The following CFHR2 variants were observed in gnomAD, a reference collection of about 807,000 sequenced individuals.
The protein encoded by CFHR2 is complement factor H related 2.
A neutral mutation model predicts 21.7 loss-of-function variants in CFHR2; 22 were observed. That is an observed-to-expected ratio of 1.01 (90% confidence interval 0.72 to 1.45). The LOEUF is 1.45. Among genes scored for constraint, CFHR2 ranks in the 40% most tolerant of loss-of-function variants. CFHR2 has a pLI of 0.00. For missense variants in CFHR2, 294 were observed against 293.3 expected (o/e 1.00, Z -0.02); for synonymous variants, 98 against 97.4 (o/e 1.01, Z -0.04).
rs535753658 is a variant in CFHR2 at position 196,959,463 on chromosome 1, A to G, written c.*383A>G. On this transcript the variant is annotated 3_prime_UTR_variant, in exon 5 of 5. Transcript: ENST00000367415. ...AGCATTAAATATTCTCCTTCCAGCT[A>G]TTTGGTACTTCATAGTATATTACTG... 4.6e-5 allele frequency among the ~76,000 whole-genome samples: 7 copies of G among 152,064 alleles called. No homozygotes were observed. In the East Asian group the frequency reaches 1.2e-3, roughly 25 times the overall value.
intron 3 of CFHR2, among the ~76,000 whole-genome samples, chr1:196,954,936 A>T (rs540333706): frequency 6.6e-6 from 1 of 152,306 alleles, no homozygotes; most frequent in East Asian, 1.9e-4. Context: ...AGCCTCAAAG[A>T]TCTCTGACAT....
chr1:196,954,482 C>T (rs918954997), intron 3 of CFHR2, among the ~76,000 whole-genome samples: 1 of 152,182 alleles, frequency 6.6e-6, no homozygotes, highest in African/African-American at 2.4e-5. Flanking sequence ...GAGAGTAGCC[C>T]CCTACTCATA....
rs139448271 is a variant in CFHR2 at position 196,949,544 on chromosome 1, G to C, written c.148G>C (p.Val50Leu). 4.3e-6 allele frequency: 7 copies of C among 1,613,900 alleles called. No individual in the cohort carries two copies. The highest frequency in any genetic ancestry group is 5.9e-6 in the Non-Finnish European group (7 of 1,179,946). Residue 50 changes from valine to leucine, a missense_variant, in exon 2 of 5, where the codon GTT (valine) becomes CTT (leucine). Physicochemically the swap from Val to Leu is conservative, Grantham distance 32. Transcript: ENST00000367415. ...ATTTTCCCAAGTTCCTACAGGGGAAGTTTTCTATTACTCCTGTGAATATAA... is the reference window on the plus strand; with the variant it reads ...ATTTTCCCAAGTTCCTACAGGGGAACTTTTCTATTACTCCTGTGAATATAA... ...KPFSQVPTGEVFYYSCEYNFV... is the reference protein window; with the variant it reads ...KPFSQVPTGELFYYSCEYNFV...
intron 1 of CFHR2, among the ~76,000 whole-genome samples, chr1:196,948,769 G>GTA (rs201886468): frequency 0.013 from 2,022 of 151,718 alleles, 43 homozygotes; most frequent in African/African-American, 0.047. Flanking sequence ...GGGGCTGACC[G>GTA]TATATATATG....
At chr1:196,953,068 T>A (rs1027165530) in intron 3 of CFHR2, among the ~76,000 whole-genome samples, 1 of 152,114 alleles carries the variant, frequency 6.6e-6, no homozygotes, top group Non-Finnish European at 1.5e-5. Context: ...GCAACTAGAC[T>A]CCTAATGATA....
At chr1:196,950,220 A>T (rs561893884) in intron 2 of CFHR2, among the ~76,000 whole-genome samples, 1 of 152,304 alleles carries the variant, frequency 6.6e-6, no homozygotes, top group East Asian at 1.9e-4. Context: ...AGAAACATTT[A>T]TGAGAGTTAA....
chr1:196,946,956 C>T (rs1311819915), intron 1 of CFHR2, among the ~76,000 whole-genome samples: 7 of 152,076 alleles, frequency 4.6e-5, no homozygotes, highest in Non-Finnish European at 1.0e-4. Context: ...TTATTTACAC[C>T]GGCATTGCCA....
intron 1 of CFHR2, among the ~76,000 whole-genome samples, chr1:196,945,777 A>AGT (rs201838824): frequency 0.11 from 15,136 of 142,732 alleles, 810 homozygotes; most frequent in Middle Eastern, 0.14. Context: ...ACTGTGAGTG[A>AGT]GTGTGTGTGT....
At chr1:196,948,108 A>C (rs1342708577) in intron 1 of CFHR2, among the ~76,000 whole-genome samples, 1 of 152,138 alleles carries the variant, frequency 6.6e-6, no homozygotes, top group Non-Finnish European at 1.5e-5. Flanking sequence ...ATATGGATGT[A>C]TATATACATA....
chr1:196,952,166 C>T (rs188821192), intron 3 of CFHR2, among the ~76,000 whole-genome samples: 74 of 152,172 alleles, frequency 4.9e-4, no homozygotes, highest in African/African-American at 1.7e-3. Flanking sequence ...GTCTCAGCCA[C>T]TGGTAAGTCT....
At chr1:196,946,471 A>C (rs1213643110) in intron 1 of CFHR2, among the ~76,000 whole-genome samples, 2 of 152,224 alleles carry the variant, frequency 1.3e-5, no homozygotes, top group African/African-American at 2.4e-5. Flanking sequence ...TAGCTTAAAA[A>C]ACATTGTAGA....
rs756808215 is a variant in CFHR2 at position 196,958,836 on chromosome 1, T to A, written c.614-45T>A. 9 of 1,262,728 alleles carry A rather than the reference T, an allele frequency of 7.1e-6. No homozygotes were observed. In the East Asian group the frequency reaches 2.2e-4, roughly 30 times the overall value. 78.2% of individuals were successfully genotyped at this position (1,262,728 alleles called of 1,614,324 possible). On this transcript the variant is annotated intron_variant, in intron 4 of 4. Transcript: ENST00000367415. Reference sequence around the variant, plus strand: ...CTTGAAAACCTGAGTCTATGAAGATTTGCATACTACTTAATGTTTTATGTT... The same window carrying A: ...CTTGAAAACCTGAGTCTATGAAGATATGCATACTACTTAATGTTTTATGTT...
chr1:196,957,798 C>T (rs1558273080), intron 3 of CFHR2, 93 bp from the exon 4 acceptor site: 33 of 1,096,144 alleles, frequency 3.0e-5, no homozygotes, highest in Non-Finnish European at 3.8e-5. Context: ...TCACAAAAGC[C>T]CTGATAGACT....
intron 3 of CFHR2, 128 bp from the exon 4 acceptor site, chr1:196,957,763 C>T (rs917639807): frequency 2.4e-5 from 19 of 793,638 alleles, no homozygotes; most frequent in East Asian, 5.3e-5. Context: ...AATTTTACTC[C>T]GGGAATCATT....
chr1:196,945,034 G>A (rs923437017), intron 1 of CFHR2, among the ~76,000 whole-genome samples: 2 of 146,066 alleles, frequency 1.4e-5, no homozygotes, highest in African/African-American at 5.0e-5. Flanking sequence ...GCACCACCAC[G>A]CCTGGCTAAT....
At chr1:196,957,337 T>C (rs1375966702) in intron 3 of CFHR2, among the ~76,000 whole-genome samples, 2 of 118,780 alleles carry the variant, frequency 1.7e-5, no homozygotes, top group Non-Finnish European at 3.3e-5. Context: ...TCTTTTTATG[T>C]TCTTTTCCTT....
intron 1 of CFHR2, among the ~76,000 whole-genome samples, chr1:196,949,098 T>C (rs1396570149): frequency 6.6e-6 from 1 of 152,188 alleles, no homozygotes; most frequent in Non-Finnish European, 1.5e-5. Context: ...AGAACAACCC[T>C]GTCACTCCTC....
chr1:196,947,080 T>C (rs1276465610), intron 1 of CFHR2, among the ~76,000 whole-genome samples: 1 of 152,184 alleles, frequency 6.6e-6, no homozygotes, highest in Non-Finnish European at 1.5e-5. Flanking sequence ...GATCAGTCAT[T>C]GACCAAAATG....
At chr1:196,957,272 C>A (rs1030494940) in intron 3 of CFHR2, among the ~76,000 whole-genome samples, 1 of 151,794 alleles carries the variant, frequency 6.6e-6, no homozygotes, top group African/African-American at 2.4e-5. Context: ...CCTGCTGTGT[C>A]ATTCCTTGAG....
Sources: gnomAD v4.1 joint callset for allele counts (sites outside exome capture counted in the v4.1 genomes callset) on GRCh38, gnomAD v4.1.1 for gene constraint, MANE v1.5 for transcripts, NCBI Gene and HGNC (gene_info 2026-07-23, HGNC 2026-07-21) for gene names.